NUP98: variants seen among roughly 807,000 people sequenced by gnomAD.
The protein encoded by NUP98 is nucleoporin 98 and 96 precursor, also known as nuclear pore complex protein Nup98-Nup96.
Under a neutral mutation model 191.9 loss-of-function variants are expected in NUP98, and 26 were observed. The observed-to-expected ratio is 0.14, with a 90% confidence interval of 0.10 to 0.19. NUP98 has a LOEUF of 0.19. Ranked by LOEUF, NUP98 falls within the 10% of genes least tolerant of loss-of-function variation. The pLI, the probability that NUP98 is intolerant of heterozygous loss-of-function variation, is 1.00. For synonymous variants in NUP98, 808 were observed against 778.4 expected, an observed-to-expected ratio of 1.04 and a Z score of -0.63; for missense variants, 1,941 against 2,178.8, an observed-to-expected ratio of 0.89 and a Z score of 2.17.
At chr11:3,693,144 T>C in intron 27 of NUP98, 88 bp downstream of exon 27, 1 of 1,342,860 alleles carries the variant, frequency 7.4e-7, no homozygotes, top group Admixed American at 1.8e-5. Context: ...AAAGGATAGT[T>C]TCCCATCAGA....
At chr11:3,719,699 G>T in intron 17 of NUP98, 149 bp from the exon 18 acceptor site, 1 of 454,564 alleles carries the variant, frequency 2.2e-6, no homozygotes, top group Non-Finnish European at 3.6e-6. Flanking sequence ...TGGTAAGAAT[G>T]GGGACTTAGG....
chr11:3,719,451 T>A lies in NUP98; in HGVS notation c.2360A>T (p.Asp787Val). ...IRRKEVVVYL[D>V]DNQKPPVGEG... is the part of the protein sequence containing the mutation. ...ACCCACAGGTGGTTTTTGGTTATCA[T>A]CTAAGTAGACAACTACTTCTTTCCT... The change falls in exon 18 of 33, where the codon GAT becomes GTT. Residue 787 changes from aspartate (D) to valine (V), a missense_variant. Transcript: ENST00000324932. 6.2e-7 allele frequency: 1 copy of A among 1,601,156 alleles called. No individual in the cohort carries two copies.
Position 3,724,445 on chromosome 11 carries a change from A to AT in NUP98, c.1847+657_1847+658insA, listed in dbSNP as rs1564846453. 2.7e-3 allele frequency among the ~76,000 whole-genome samples: 376 copies of AT among 139,360 alleles called. 3 individuals are homozygous for AT. The highest frequency in any genetic ancestry group is 9.9e-3 in the African/African-American group (358 of 36,262). 91.4% of individuals were successfully genotyped at this position (139,360 alleles called of 152,430 possible). A position where few individuals can be genotyped will look rare whatever the true frequency, so the allele number is the denominator to read the frequency against. On this transcript the variant is annotated intron_variant, in intron 15 of 32. Coordinates refer to ENST00000324932, the MANE Select transcript of NUP98 (RefSeq NM_016320.5). ...GAGCAAAACTCCATCTCAAAAAAAA[A>AT]AAATAAATAAATAAATTTCTGATAT...
At chr11:3,794,956 T>C (rs1227574161) in intron 1 of NUP98, among the ~76,000 whole-genome samples, 1 of 152,196 alleles carries the variant, frequency 6.6e-6, no homozygotes, top group African/African-American at 2.4e-5. Context: ...TCCCTAACCT[T>C]TCAACAAATT....
chr11:3,692,524 G>C (rs2078349525), intron 27 of NUP98, among the ~76,000 whole-genome samples: 1 of 151,938 alleles, frequency 6.6e-6, no homozygotes. Context: ...CTACCCGGGA[G>C]GCAGAGGTTG....
intron 26 of NUP98, among the ~76,000 whole-genome samples, chr11:3,694,519 T>C (rs2078438153): frequency 6.6e-6 from 1 of 150,898 alleles, no homozygotes; most frequent in Admixed American, 6.6e-5. Context: ...GGCAGGCAGA[T>C]CATGAGGTCA....
chr11:3,707,587 A>G (rs2078896206), intron 20 of NUP98, among the ~76,000 whole-genome samples: 1 of 151,294 alleles, frequency 6.6e-6, no homozygotes, highest in African/African-American at 2.4e-5. Context: ...TGTCTCTACT[A>G]AAAATATAAA....
At chr11:3,694,960 G>T (rs538425307) in intron 26 of NUP98, among the ~76,000 whole-genome samples, 18 of 152,142 alleles carry the variant, frequency 1.2e-4, no homozygotes, top group Admixed American at 1.2e-3. Flanking sequence ...TATTTCATTT[G>T]TATATACAAA....
intron 23 of NUP98, among the ~76,000 whole-genome samples, chr11:3,702,193 G>A (rs898866684): frequency 2.6e-5 from 4 of 151,594 alleles, no homozygotes; most frequent in African/African-American, 7.3e-5. Flanking sequence ...AGCTGAGATC[G>A]TGCCACCGCA....
intron 8 of NUP98, among the ~76,000 whole-genome samples, chr11:3,765,199 G>A (rs1489644684): frequency 6.6e-6 from 1 of 152,032 alleles, no homozygotes; most frequent in East Asian, 1.9e-4. Flanking sequence ...TGCCATCTTT[G>A]TTTGTTTAGA....
chr11:3,715,508 T>C (rs2079152198), intron 18 of NUP98, among the ~76,000 whole-genome samples: 1 of 152,300 alleles, frequency 6.6e-6, no homozygotes, highest in South Asian at 2.1e-4. Context: ...CTCTAATGAT[T>C]AGTGATGTTG....
At chr11:3,749,397 G>A (rs1334306394) in intron 11 of NUP98, among the ~76,000 whole-genome samples, 1 of 152,208 alleles carries the variant, frequency 6.6e-6, no homozygotes, top group Non-Finnish European at 1.5e-5. Context: ...GGCCGAGGCT[G>A]GTGGATCACT....
At chr11:3,779,845 T>C (rs2081892561) in intron 2 of NUP98, among the ~76,000 whole-genome samples, 1 of 149,234 alleles carries the variant, frequency 6.7e-6, no homozygotes, top group Non-Finnish European at 1.5e-5. Flanking sequence ...AAAAAAGTGC[T>C]GGCCGGGCAC....
intron 20 of NUP98, among the ~76,000 whole-genome samples, chr11:3,710,856 G>A (rs1028299966): frequency 6.6e-6 from 1 of 152,124 alleles, no homozygotes; most frequent in African/African-American, 2.4e-5. Context: ...CTAAAGTCTG[G>A]ACATTTAAAT....
At chr11:3,725,443 AAC>A (rs1487331542) in intron 14 of NUP98, among the ~76,000 whole-genome samples, 1 of 152,202 alleles carries the variant, frequency 6.6e-6, no homozygotes, top group Non-Finnish European at 1.5e-5. Context: ...AATAAAGCTG[AAC>A]ACCTTCAAGT....
Position 3,720,694 on chromosome 11 carries a change from T to C in NUP98, c.2260+18A>G. 2 of 1,311,494 alleles carry C rather than the reference T, an allele frequency of 1.5e-6. No homozygotes were observed. Among genetic ancestry groups the C allele is most frequent in the Non-Finnish European group, 2.2e-6 (2 of 912,650 alleles). The allele number at this position is 1,311,494 out of a possible 1,614,324, so 81.2% of individuals were successfully genotyped here. A position where few individuals can be genotyped will look rare whatever the true frequency, so the allele number is the denominator to read the frequency against. ...GCAACTCTCTGGCTTAATCACTAAGTGCTAAACTCACACTTACCTTTCCGA... is the reference window on the plus strand; with the variant it reads ...GCAACTCTCTGGCTTAATCACTAAGCGCTAAACTCACACTTACCTTTCCGA... On this transcript the variant is annotated intron_variant, in intron 17 of 32. Transcript: ENST00000324932.
At position 3,702,711 on chromosome 11, in the gene NUP98, C is replaced by G. The variant is rs35488940; in HGVS notation, c.3264G>C (p.Pro1088=). 6 of 1,613,970 alleles carry G rather than the reference C, an allele frequency of 3.7e-6. No homozygotes were observed. In the South Asian group the frequency reaches 5.5e-5, roughly 15 times the overall value. ...FTMPSPAPEV[P]LKTVGTRRQL... ...GCCTACGTGTACCCACTGTTTTCAA[C>G]GGAACCTCAGGGGCTGGGCTGGGCA... The change falls in exon 23 of 33, where the codon CCG becomes CCC. Residue 1088 remains proline, a synonymous_variant. Coordinates refer to ENST00000324932, the MANE Select transcript of NUP98 (RefSeq NM_016320.5).
rs751180316 is a variant in NUP98 at position 3,683,361 on chromosome 11, G to T, written c.4757C>A (p.Thr1586Asn). 4.3e-6 allele frequency: 7 copies of T among 1,614,050 alleles called. No homozygotes were observed. In the East Asian group the frequency reaches 1.6e-4, roughly 36 times the overall value. Residue 1586 changes from threonine (T) to asparagine (N), a missense_variant, in exon 30 of 33, where the codon ACT (threonine) becomes AAT (asparagine). Physicochemically the swap from Thr to Asn is moderately conservative, Grantham distance 65. Coordinates refer to ENST00000324932, the MANE Select transcript of NUP98 (RefSeq NM_016320.5). ...LETPESWAKE[T>N]FLTQKLRVPA... is the part of the protein sequence containing the mutation. ...TACACGGAGCTTCTGGGTAAGGAAA[G>T]TCTCTTTAGCCCAAGATTCAGGGGT...
intron 23 of NUP98, among the ~76,000 whole-genome samples, chr11:3,701,968 G>GT (rs2078694234): frequency 6.7e-6 from 1 of 149,422 alleles, no homozygotes. Flanking sequence ...ATTACAGGTT[G>GT]TTTTTTATTT....
Sources: allele counts gnomAD v4.1 joint callset (sites outside exome capture counted in the v4.1 genomes callset), GRCh38; gene constraint gnomAD v4.1.1; transcripts MANE v1.5; gene names NCBI Gene and HGNC (gene_info 2026-07-23, HGNC 2026-07-21).